The following ALK variants were observed in gnomAD, a reference collection of about 807,000 sequenced individuals.
ALK encodes ALK receptor tyrosine kinase.
A neutral mutation model predicts 163.1 loss-of-function variants in ALK; 74 were observed. That is an observed-to-expected ratio of 0.45 (90% CI 0.38 to 0.55). The LOEUF is 0.55. Ranked by LOEUF, ALK falls within the 20% of genes least tolerant of loss-of-function variation. The pLI is 0.00. For synonymous variants in ALK, 960 were observed against 843.2 expected (o/e 1.14, Z -2.40); for missense variants, 2,063 against 2,105.3 (o/e 0.98, Z 0.39).
intron 5 of ALK, among the ~76,000 whole-genome samples, chr2:29,365,174 A>C (rs919613658): frequency 1.3e-5 from 2 of 152,264 alleles, no homozygotes; most frequent in Admixed American, 1.3e-4. Context: ...TGGCTGAAGC[A>C]AGAGTTGCTA....
chr2:29,233,117 C>G (rs749267846), intron 14 of ALK, among the ~76,000 whole-genome samples: 4 of 152,174 alleles, frequency 2.6e-5, no homozygotes, highest in Non-Finnish European at 5.9e-5. Flanking sequence ...CTCTCTGGAT[C>G]TCAGTCTGCT....
chr2:29,374,832 G>C (rs1668716211), intron 5 of ALK, among the ~76,000 whole-genome samples: 1 of 152,190 alleles, frequency 6.6e-6, no homozygotes, highest in Non-Finnish European at 1.5e-5. Flanking sequence ...TTTAGAAGGA[G>C]AGCGTTTTTA....
At chr2:29,884,149 G>A (rs1436372181) in intron 1 of ALK, among the ~76,000 whole-genome samples, 1 of 139,228 alleles carries the variant, frequency 7.2e-6, no homozygotes, top group Non-Finnish European at 1.7e-5. Context: ...GAGGTCAAGT[G>A]TTGAATCTGT....
At chr2:29,245,913 C>G (rs757836169) in intron 12 of ALK, among the ~76,000 whole-genome samples, 1 of 152,212 alleles carries the variant, frequency 6.6e-6, no homozygotes, top group Non-Finnish European at 1.5e-5. Flanking sequence ...TGAATGATGG[C>G]GTTGTCCGGC....
At chr2:29,555,234 A>G (rs922088730) in intron 3 of ALK, among the ~76,000 whole-genome samples, 7 of 151,934 alleles carry the variant, frequency 4.6e-5, no homozygotes, top group Non-Finnish European at 1.5e-5. Context: ...TCAGATGGCC[A>G]TGTCTCTCCA....
intron 13 of ALK, among the ~76,000 whole-genome samples, chr2:29,233,973 T>C (rs1156855878): frequency 6.6e-6 from 1 of 152,118 alleles, no homozygotes; most frequent in Non-Finnish European, 1.5e-5. Context: ...GGCTTTTAGT[T>C]GAGCCTTGAA....
chr2:29,781,786 TG>T (rs1403813648), intron 1 of ALK, among the ~76,000 whole-genome samples: 1 of 152,200 alleles, frequency 6.6e-6, no homozygotes, highest in Non-Finnish European at 1.5e-5. Context: ...AAATTCTCCA[TG>T]GGCTGTCTTC....
chr2:29,752,342 T>A (rs138992906), intron 1 of ALK, among the ~76,000 whole-genome samples: 16 of 147,990 alleles, frequency 1.1e-4, no homozygotes, highest in African/African-American at 3.9e-4. Context: ...TCTGCTATTT[T>A]CTTTTCTTTT....
intron 8 of ALK, among the ~76,000 whole-genome samples, chr2:29,311,358 C>T (rs1165666659): frequency 6.6e-6 from 1 of 152,158 alleles, no homozygotes; most frequent in Non-Finnish European, 1.5e-5. Flanking sequence ...AGCTCTTCCT[C>T]TGGGTTTCTT....
chr2:29,306,897 A>G (rs1666524118), intron 8 of ALK, among the ~76,000 whole-genome samples: 1 of 152,228 alleles, frequency 6.6e-6, no homozygotes, highest in Non-Finnish European at 1.5e-5. Context: ...GCCACCAGCA[A>G]TTATATCTTC....
At chr2:29,811,895 G>A (rs2148372030) in intron 1 of ALK, among the ~76,000 whole-genome samples, 1 of 152,294 alleles carries the variant, frequency 6.6e-6, no homozygotes, top group Non-Finnish European at 1.5e-5. Flanking sequence ...TAATGCTAAG[G>A]TGGCAAAGCT....
rs1423430744 is a variant in ALK, at chr2:29,294,547, T to C, written c.1817+2341A>G. On this transcript the variant is annotated intron_variant, in intron 9 of 28. Transcript: ENST00000389048. ...AGAGGAGACTGTGTTGTCTGTTTTA[T>C]AGAACATGGCTTGACTTGGAAGATC... Among the ~76,000 whole-genome samples the C allele has an allele frequency of 2.0e-5, 3 of 152,260 alleles. No homozygotes were observed. The South Asian group carries it at 6.2e-4, about 31-fold the overall frequency.
chr2:29,337,150 G>T (rs1299888271), intron 5 of ALK, among the ~76,000 whole-genome samples: 4 of 152,198 alleles, frequency 2.6e-5, no homozygotes, highest in Non-Finnish European at 4.4e-5. Flanking sequence ...GTATTAGAAG[G>T]CCTGAGAACT....
intron 4 of ALK, among the ~76,000 whole-genome samples, chr2:29,487,352 C>G (rs1187945903): frequency 2.6e-5 from 4 of 152,194 alleles, no homozygotes; most frequent in Non-Finnish European, 5.9e-5. Flanking sequence ...TACCCCCAGA[C>G]AGCTGTCTGT....
chr2:29,820,815 G>C (rs372414162), intron 1 of ALK, among the ~76,000 whole-genome samples: 2 of 152,202 alleles, frequency 1.3e-5, no homozygotes, highest in East Asian at 1.9e-4. Context: ...AACCAACCCA[G>C]CACTTGCCAA....
chr2:29,481,175 G>A (rs1324502702), intron 4 of ALK, among the ~76,000 whole-genome samples: 3 of 152,186 alleles, frequency 2.0e-5, no homozygotes, highest in African/African-American at 2.4e-5. Context: ...AGCTGGTAAT[G>A]GCAGATCTGG....
intron 9 of ALK, among the ~76,000 whole-genome samples, chr2:29,279,241 G>A (rs781662816): frequency 2.6e-4 from 39 of 152,208 alleles, no homozygotes; most frequent in Non-Finnish European, 5.6e-4. Flanking sequence ...TTGACACTGT[G>A]AATTGCACAT....
At chr2:29,254,137 G>A (rs1444341276) in intron 11 of ALK, among the ~76,000 whole-genome samples, 1 of 152,188 alleles carries the variant, frequency 6.6e-6, no homozygotes, top group Non-Finnish European at 1.5e-5. Context: ...GAACATGTTT[G>A]CTTCCCCTTC....
chr2:29,843,514 G>A (rs1311910206), intron 1 of ALK, among the ~76,000 whole-genome samples: 1 of 152,162 alleles, frequency 6.6e-6, no homozygotes, highest in Non-Finnish European at 1.5e-5. Context: ...TGATCATATG[G>A]ATGGCTGCTG....
Sources: gnomAD v4.1 joint callset for allele counts (sites outside exome capture counted in the v4.1 genomes callset) on GRCh38, gnomAD v4.1.1 for gene constraint, MANE v1.5 for transcripts, NCBI Gene and HGNC (gene_info 2026-07-23, HGNC 2026-07-21) for gene names.